The following SEPTIN7 variants were observed in gnomAD, a reference collection of about 807,000 sequenced individuals.
The protein encoded by SEPTIN7 is septin 7.
In SEPTIN7, 10 loss-of-function variants were observed where a neutral mutation model predicts 63.3. That is an observed-to-expected ratio of 0.16 (90% confidence interval 0.10 to 0.27). The LOEUF (loss-of-function observed/expected upper bound fraction) is 0.27, where lower values mean the gene tolerates loss of function less well. Ranked by LOEUF, SEPTIN7 falls within the 10% of genes least tolerant of loss-of-function variation. The pLI, the probability that SEPTIN7 is intolerant of heterozygous loss-of-function variation, is 1.00. For missense variants in SEPTIN7, 310 were observed against 521.0 expected (o/e 0.59, Z 3.94); for synonymous variants, 131 against 165.3 (o/e 0.79, Z 1.59).
intron 3 of SEPTIN7, among the ~76,000 whole-genome samples, chr7:35,841,194 T>C (rs866421041): frequency 6.6e-6 from 1 of 152,012 alleles, no homozygotes; most frequent in African/African-American, 2.4e-5. Flanking sequence ...ACACTTCAGC[T>C]TGGGCGACAG....
chr7:35,835,853 G>A (rs567232250), intron 3 of SEPTIN7, among the ~76,000 whole-genome samples: 1 of 152,290 alleles, frequency 6.6e-6, no homozygotes, highest in East Asian at 1.9e-4. Flanking sequence ...ATAGTCTAGG[G>A]ACAACAGGGC....
chr7:35,903,003 G>C (rs529426011), intron 12 of SEPTIN7, 73 bp from the exon 13 acceptor site: 16 of 1,471,570 alleles, frequency 1.1e-5, no homozygotes, highest in Non-Finnish European at 1.4e-5. Context: ...TATCATTAGG[G>C]TGTCTGGATG....
At chr7:35,841,365 A>T (rs767532214) in intron 3 of SEPTIN7, among the ~76,000 whole-genome samples, 1 of 152,254 alleles carries the variant, frequency 6.6e-6, no homozygotes, top group Non-Finnish European at 1.5e-5. Flanking sequence ...AATATAAGCA[A>T]GTCATTGAAT....
chr7:35,832,148 GT>G (rs2115886226), intron 2 of SEPTIN7: 1 of 452,616 alleles, frequency 2.2e-6, no homozygotes, highest in Non-Finnish European at 4.4e-6. Flanking sequence ...AGAAAATGAA[GT>G]TATAAGTTAC....
At chr7:35,892,626 G>A (rs1183305649) in intron 11 of SEPTIN7, among the ~76,000 whole-genome samples, 1 of 152,034 alleles carries the variant, frequency 6.6e-6, no homozygotes, top group Non-Finnish European at 1.5e-5. Flanking sequence ...TCAAATATAA[G>A]GCTTTTTAAA....
rs374573580 is a variant in SEPTIN7 at position 35,890,640 on chromosome 7, G to A, written c.873-28G>A. On this transcript the variant is annotated intron_variant, in intron 10 of 13. Coordinates refer to ENST00000350320, the MANE Select transcript of SEPTIN7 (RefSeq NM_001788.6). ...TTTTTCCCCCTAGCTATTAATAGAA[G>A]CAAACTCTTGCTGTTTGTTTATGAC... The A allele has an allele frequency of 1.2e-5, 17 of 1,421,098 alleles. No individual in the cohort carries two copies. In the African/African-American group the frequency reaches 1.5e-4, roughly 12 times the overall value. 88.0% of individuals were successfully genotyped at this position (1,421,098 alleles called of 1,614,324 possible).
At chr7:35,865,953 T>C (rs1785786393) in intron 4 of SEPTIN7, among the ~76,000 whole-genome samples, 1 of 152,224 alleles carries the variant, frequency 6.6e-6, no homozygotes, top group Non-Finnish European at 1.5e-5. Context: ...CCTCTTCTGT[T>C]GTGAATATCT....
At chr7:35,875,475 C>T (rs750055352) in intron 6 of SEPTIN7, among the ~76,000 whole-genome samples, 2 of 152,038 alleles carry the variant, frequency 1.3e-5, no homozygotes, top group Non-Finnish European at 2.9e-5. Flanking sequence ...CTGGGTAGTC[C>T]CTGGGTTCCC....
the SEPTIN7 span, among the ~76,000 whole-genome samples, chr7:35,913,194 T>G: frequency 1.3e-5 from 2 of 152,138 alleles, no homozygotes; most frequent in Non-Finnish European, 2.9e-5. Context: ...AAGAAGGTCA[T>G]CTCTCCTTTG....
chr7:35,828,933 T>A (rs1316155403), intron 1 of SEPTIN7, among the ~76,000 whole-genome samples: 3 of 152,104 alleles, frequency 2.0e-5, no homozygotes, highest in Non-Finnish European at 4.4e-5. Flanking sequence ...CTGAGAGCTA[T>A]CTTTAAAACA....
chr7:35,850,303 A>G (rs1053715721), intron 3 of SEPTIN7, among the ~76,000 whole-genome samples: 4 of 152,184 alleles, frequency 2.6e-5, no homozygotes, highest in African/African-American at 4.8e-5. Context: ...TATCTTGATC[A>G]AGGTCATATA....
At chr7:35,801,025 C>T (rs1787911367), upstream of SEPTIN7, 2 of 462,436 alleles carry the variant, frequency 4.3e-6, no homozygotes, top group Non-Finnish European at 3.8e-6. Flanking sequence ...GAAGCCTCGT[C>T]TGAGGGGGCG....
At chr7:35,830,608 A>AT (rs1783786424) in intron 1 of SEPTIN7, among the ~76,000 whole-genome samples, 1 of 152,152 alleles carries the variant, frequency 6.6e-6, no homozygotes, top group Non-Finnish European at 1.5e-5. Flanking sequence ...TCATTGGATG[A>AT]TTTTGTCATG....
At chr7:35,888,049 C>T (rs532173118) in intron 10 of SEPTIN7, among the ~76,000 whole-genome samples, 15 of 152,032 alleles carry the variant, frequency 9.9e-5, no homozygotes, top group Non-Finnish European at 1.6e-4. Context: ...CCAAGGAAGA[C>T]GATGGAAAGG....
intron 1 of SEPTIN7, among the ~76,000 whole-genome samples, chr7:35,823,057 C>G (rs1200934630): frequency 1.3e-5 from 2 of 151,732 alleles, no homozygotes; most frequent in Admixed American, 1.3e-4. Flanking sequence ...TTTAATAGCC[C>G]TATGGAGGAA....
chr7:35,837,880 A>C (rs1412214322), intron 3 of SEPTIN7, among the ~76,000 whole-genome samples: 4 of 151,766 alleles, frequency 2.6e-5, no homozygotes, highest in African/African-American at 4.8e-5. Flanking sequence ...GTGCACCACC[A>C]CCCCCAGCTA....
intron 4 of SEPTIN7, among the ~76,000 whole-genome samples, chr7:35,870,338 G>C (rs182933178): frequency 3.8e-4 from 58 of 152,296 alleles, no homozygotes; most frequent in African/African-American, 1.2e-3. Flanking sequence ...AAGTTAAAAT[G>C]TGTAATTGGT....
chr7:35,904,503 C>G lies in SEPTIN7; in HGVS notation c.*210C>G, dbSNP rs1788505943. ...GTTCTGTACTTAGAAAGTAAGAGCT[C>G]TAAGTACCTTTCCTACATTTTCTTT... is the stretch of plus-strand genomic sequence containing the variant. On this transcript the variant is annotated 3_prime_UTR_variant, in exon 14 of 14. Coordinates refer to ENST00000350320, the MANE Select transcript of SEPTIN7 (RefSeq NM_001788.6). 7.8e-6 allele frequency: 3 copies of G among 383,828 alleles called. No individual in the cohort carries two copies. Among genetic ancestry groups the G allele is most frequent in the African/African-American group, 4.2e-5 (2 of 48,094 alleles). 23.8% of individuals were successfully genotyped at this position (383,828 alleles called of 1,614,324 possible).
In SEPTIN7 at chr7:35,885,119, C is replaced by T. The variant is rs1223744414; in HGVS notation, c.821-709C>T. Among the ~76,000 whole-genome samples the T allele has an allele frequency of 2.6e-5, 4 of 151,960 alleles. No individual in the cohort carries two copies. In the East Asian group the frequency reaches 5.8e-4, roughly 22 times the overall value. On this transcript the variant is annotated intron_variant, in intron 9 of 13. Coordinates refer to ENST00000350320, the MANE Select transcript of SEPTIN7 (RefSeq NM_001788.6). The stretch of plus-strand genomic sequence containing the variant: ...CCCACATCATGCTCCTCCCACATCA[C>T]GTCACTATAAGCACACACCACTGCC...
Sources: allele counts gnomAD v4.1 joint callset (sites outside exome capture counted in the v4.1 genomes callset), GRCh38; gene constraint gnomAD v4.1.1; transcripts MANE v1.5; gene names NCBI Gene and HGNC (gene_info 2026-07-23, HGNC 2026-07-21).